Variants in ABI3BP observed in about 807,000 individuals in gnomAD.
The protein encoded by ABI3BP is ABI family member 3 binding protein.
ABI3BP carries 216 observed loss-of-function variants against 268.6 expected under a neutral mutation model. The ratio of observed to expected loss-of-function variants is 0.80; its 90% CI spans 0.72 to 0.90. The LOEUF (loss-of-function observed/expected upper bound fraction) is 0.90, where lower values mean the gene tolerates loss of function less well. Ranked by LOEUF, ABI3BP falls within the 40% of genes least tolerant of loss-of-function variation. The probability of loss-of-function intolerance (pLI) is 0.00; values close to 1 mark genes in which losing one functional copy is unlikely to be tolerated. For missense variants in ABI3BP, 2,090 were observed against 2,182.4 expected, an observed-to-expected ratio of 0.96 and a Z score of 0.84; for synonymous variants, 730 against 730.0, an observed-to-expected ratio of 1.00 and a Z score of 0.00.
chr3:100,808,800 G>A (rs996967343), intron 49 of ABI3BP, among the ~76,000 whole-genome samples: 5 of 151,960 alleles, frequency 3.3e-5, no homozygotes, highest in East Asian at 1.9e-4. Flanking sequence ...GAGCAAATCC[G>A]AAAGAAATTC....
chr3:100,864,816 A>C lies in ABI3BP; in HGVS notation c.1063+17T>G. 2 of 1,570,296 alleles carry C rather than the reference A, an allele frequency of 1.3e-6. No homozygotes were observed. Among genetic ancestry groups the C allele is most frequent in the Non-Finnish European group, 1.7e-6 (2 of 1,158,278 alleles). On this transcript the variant is annotated intron_variant, in intron 11 of 67. Coordinates refer to ENST00000471714, the MANE Select transcript of ABI3BP (RefSeq NM_001375547.2). ...TACTTTTGTTTTTTTAGAAAAAAAA[A>C]AAGTTCTTAGAATTACCCAGTGTTG...
At chr3:100,927,728 C>T (rs1483599766) in intron 1 of ABI3BP, among the ~76,000 whole-genome samples, 1 of 152,140 alleles carries the variant, frequency 6.6e-6, no homozygotes, top group Admixed American at 6.6e-5. Flanking sequence ...CCCTTGTGAT[C>T]CAATCACCTC....
chr3:100,891,338 C>A (rs2044548991), intron 4 of ABI3BP, among the ~76,000 whole-genome samples: 1 of 152,078 alleles, frequency 6.6e-6, no homozygotes, highest in Non-Finnish European at 1.5e-5. Context: ...GAATGGCTTG[C>A]CTGAAGTTGG....
intron 63 of ABI3BP, among the ~76,000 whole-genome samples, chr3:100,759,733 C>T (rs1357353180): frequency 6.6e-6 from 1 of 152,150 alleles, no homozygotes; most frequent in Non-Finnish European, 1.5e-5. Flanking sequence ...TTTTAGGTAG[C>T]TGTCCTTCTG....
intron 62 of ABI3BP, among the ~76,000 whole-genome samples, chr3:100,768,242 C>T (rs1327346551): frequency 6.6e-6 from 1 of 152,066 alleles, no homozygotes; most frequent in Non-Finnish European, 1.5e-5. Flanking sequence ...GCGCCCGCCA[C>T]CACACCCGGC....
intron 50 of ABI3BP, among the ~76,000 whole-genome samples, chr3:100,807,788 T>C (rs1318695711): frequency 1.3e-5 from 2 of 151,974 alleles, no homozygotes; most frequent in African/African-American, 2.4e-5. Flanking sequence ...AGGCCATGTA[T>C]TGAGAAAAAT....
chr3:100,830,642 A>C lies in ABI3BP; in HGVS notation c.2402-8T>G, dbSNP rs1354269487. The C allele has an allele frequency of 4.6e-6, 7 of 1,523,910 alleles. No individual in the cohort carries two copies. Among genetic ancestry groups the C allele is most frequent in the Non-Finnish European group, 6.1e-6 (7 of 1,139,346 alleles). 94.4% of individuals were successfully genotyped at this position (1,523,910 alleles called of 1,614,324 possible). On this transcript the variant is annotated splice_polypyrimidine_tract_variant and splice_region_variant and intron_variant, in intron 31 of 67. Coordinates refer to ENST00000471714, the MANE Select transcript of ABI3BP (RefSeq NM_001375547.2). ...CGAGGATTGTGGCAGGAACTGATCAAAAGTAATAAAAGAAACCAAAGAGAT... is the reference window on the plus strand; with the variant it reads ...CGAGGATTGTGGCAGGAACTGATCACAAGTAATAAAAGAAACCAAAGAGAT...
chr3:100,830,507 G>T, intron 32 of ABI3BP, 71 bp downstream of exon 32: 1 of 1,319,834 alleles, frequency 7.6e-7, no homozygotes, highest in Non-Finnish European at 1.0e-6. Flanking sequence ...AGAAGCTGTG[G>T]TTATGATGGT....
At chr3:100,762,798 C>T (rs977753797) in intron 63 of ABI3BP, among the ~76,000 whole-genome samples, 1 of 152,130 alleles carries the variant, frequency 6.6e-6, no homozygotes, top group Non-Finnish European at 1.5e-5. Context: ...CCTTGACCAC[C>T]ATAAAGTTTC....
chr3:100,880,240 G>A (rs1023211452), intron 6 of ABI3BP, among the ~76,000 whole-genome samples: 1 of 152,100 alleles, frequency 6.6e-6, no homozygotes, highest in African/African-American at 2.4e-5. Flanking sequence ...GTTTTGGCTG[G>A]TGTGGCCTCA....
Position 100,754,646 on chromosome 3 carries a change from C to A in ABI3BP, c.4896G>T (p.Pro1632=). 1.3e-6 allele frequency: 2 copies of A among 1,592,322 alleles called. No individual in the cohort carries two copies. The highest frequency in any genetic ancestry group is 8.6e-7 in the Non-Finnish European group (1 of 1,168,378). ...TACTGAATGCCACTGTGTTGCTGAC[C>A]GGGCCTTCACCAAGCGGGTTTTTGG... ...VKPKNPLGEG[P]VSNTVAFSTE... is the part of the protein sequence containing the mutation. Residue 1632 remains proline (P), a synonymous_variant, in exon 64 of 68, where the codon CCG becomes CCT. Coordinates refer to ENST00000471714, the MANE Select transcript of ABI3BP (RefSeq NM_001375547.2).
At chr3:100,884,738 G>GACCAAAGACAGA (rs6147977) in intron 6 of ABI3BP, among the ~76,000 whole-genome samples, 5 of 151,046 alleles carry the variant, frequency 3.3e-5, no homozygotes, top group Admixed American at 6.6e-5. Flanking sequence ...AATATCTAGG[G>GACCAAAGACAGA]ACCAAATTCC....
intron 2 of ABI3BP, chr3:100,911,208 G>A: frequency 2.6e-6 from 1 of 391,990 alleles, no homozygotes; most frequent in Admixed American, 3.6e-5. Context: ...GAATGTCAGT[G>A]TGTTCTACCA....
chr3:100,944,568 T>C (rs751794115), intron 1 of ABI3BP, among the ~76,000 whole-genome samples: 1 of 152,188 alleles, frequency 6.6e-6, no homozygotes, highest in African/African-American at 2.4e-5. Flanking sequence ...CTTGCCATCT[T>C]GCAAAAACAT....
chr3:100,885,390 G>A (rs1479454234), intron 6 of ABI3BP, 146 bp downstream of exon 6: 2 of 454,700 alleles, frequency 4.4e-6, no homozygotes, highest in Admixed American at 4.0e-5. Context: ...TTAAGAAAAA[G>A]AAACTAATTC....
chr3:100,941,173 CA>C (rs1303505013), intron 1 of ABI3BP, among the ~76,000 whole-genome samples: 2 of 151,808 alleles, frequency 1.3e-5, no homozygotes, highest in Admixed American at 1.3e-4. Context: ...GCAAGAAGCT[CA>C]AATGACAGCA....
intron 6 of ABI3BP, among the ~76,000 whole-genome samples, chr3:100,884,358 A>G (rs1055495459): frequency 1.3e-5 from 2 of 152,074 alleles, no homozygotes; most frequent in Admixed American, 6.6e-5. Context: ...ACATTGAAAT[A>G]TTTTCCTAGA....
At chr3:100,891,266 TG>T (rs1249189595) in intron 4 of ABI3BP, among the ~76,000 whole-genome samples, 1 of 152,202 alleles carries the variant, frequency 6.6e-6, no homozygotes. Flanking sequence ...TATCACCCAC[TG>T]GTGGCTGGTT....
At chr3:100,979,644 T>C (rs2088203708) in intron 1 of ABI3BP, among the ~76,000 whole-genome samples, 1 of 152,176 alleles carries the variant, frequency 6.6e-6, no homozygotes, top group Admixed American at 6.5e-5. Context: ...ACGGAAACCT[T>C]ACAGATGACA....
Sources: allele counts gnomAD v4.1 joint callset (sites outside exome capture counted in the v4.1 genomes callset), GRCh38; gene constraint gnomAD v4.1.1; transcripts MANE v1.5; gene names NCBI Gene and HGNC (gene_info 2026-07-23, HGNC 2026-07-21).